The following ABCA3 variants were observed in gnomAD, a reference collection of about 807,000 sequenced individuals.
ABCA3 encodes the protein ATP binding cassette subfamily A member 3.
Under a neutral mutation model 172.8 loss-of-function variants are expected in ABCA3, and 88 were observed. That is an observed-to-expected ratio of 0.51 (90% CI 0.43 to 0.61). The LOEUF is 0.61. Among genes scored for constraint, ABCA3 ranks in the 20% least tolerant of loss-of-function variants. The probability of loss-of-function intolerance (pLI) is 0.00; values close to 1 mark genes in which losing one functional copy is unlikely to be tolerated. For missense variants in ABCA3, 2,164 were observed against 2,301.0 expected (o/e 0.94, Z 1.22); for synonymous variants, 1,066 against 983.8 (o/e 1.08, Z -1.56).
Position 2,288,086 on chromosome 16 carries a change from G to A in ABCA3, c.2944C>T (p.Leu982=), listed in dbSNP as rs2141697868. Residue 982 remains leucine, a synonymous_variant, in exon 21 of 33, where the codon CTG becomes TTG. Transcript: ENST00000301732. The part of the protein sequence containing the change: ...VPGTSQLGQQ[L]SEHLKDALQA... The stretch of plus-strand genomic sequence containing the variant: ...AGTGCGTCTTTCAGATGCTCTGACA[G>A]CTGCTGACCCAGCTGGGAGGTCCCG... 2 of 1,613,442 alleles carry A rather than the reference G, an allele frequency of 1.2e-6. No homozygotes were observed. The highest frequency in any genetic ancestry group is 1.7e-6 in the Non-Finnish European group (2 of 1,180,008).
intron 10 of ABCA3, among the ~76,000 whole-genome samples, chr16:2,312,624 G>T (rs1435222141): frequency 6.6e-6 from 1 of 151,724 alleles, no homozygotes. Context: ...CGCCTCCCGG[G>T]TTCAAGTGAT....
chr16:2,319,189 T>C (rs1189544781), intron 8 of ABCA3, among the ~76,000 whole-genome samples: 2 of 151,742 alleles, frequency 1.3e-5, no homozygotes, highest in Non-Finnish European at 2.9e-5. Context: ...GCCTTGGCAA[T>C]ATAGAAAGAC....
chr16:2,299,544 G>A lies in ABCA3; in HGVS notation c.1612-12C>T, dbSNP rs1472967431. The A allele has an allele frequency of 6.2e-7, 1 of 1,612,312 alleles. No homozygotes were observed. Among genetic ancestry groups the A allele is most frequent in the Admixed American group, 1.7e-5 (1 of 60,026 alleles). On this transcript the variant is annotated splice_polypyrimidine_tract_variant and intron_variant, in intron 13 of 32. Coordinates refer to ENST00000301732, the MANE Select transcript of ABCA3 (RefSeq NM_001089.3). ...CCCACCCTGAACACCTGCAGGAAAG[G>A]CAGAGGCTGCCCTGGGCTACCCACA...
In ABCA3 at chr16:2,299,894, G is replaced by A. The variant is rs2093686205; in HGVS notation, c.1611+111C>T. The A allele has an allele frequency of 1.9e-5, 28 of 1,504,864 alleles. 1 individual carries two copies. The highest frequency in any genetic ancestry group is 1.1e-4 in the East Asian group (5 of 44,304). 93.2% of individuals were successfully genotyped at this position (1,504,864 alleles called of 1,614,324 possible). Reference sequence around the variant, plus strand: ...CTGCCCTCCTTCAGGGCAGGAGGGAGCAAGGCTCAGAGGGAGCGCCTGACG... The same window carrying A: ...CTGCCCTCCTTCAGGGCAGGAGGGAACAAGGCTCAGAGGGAGCGCCTGACG... On this transcript the variant is annotated intron_variant, in intron 13 of 32. Transcript: ENST00000301732.
chr16:2,300,078 G>A lies in ABCA3; in HGVS notation c.1538C>T (p.Ala513Val). The stretch of plus-strand genomic sequence containing the variant: ...GGCTTCAAAGTACTCGTTTCTGAGT[G>A]CTTTCTCGGGGTCACTGTCTTCTTC... The part of the protein sequence containing the change: ...KEEEDSDPEK[A>V]LRNEYFEAEP... Residue 513 changes from alanine (A) to valine (V), a missense_variant, in exon 13 of 33, where the codon GCA (alanine) becomes GTA (valine). Ala to Val is a moderately conservative substitution (Grantham distance 64, BLOSUM62 0). Around this residue, in one of 3 missense-constraint regions of ABCA3, gnomAD observed 1,343 missense variants for 1,369.6 expected, o/e 0.98. Transcript: ENST00000301732. 1 of 1,613,666 alleles carries A rather than the reference G, an allele frequency of 6.2e-7. No individual in the cohort carries two copies. The highest frequency in any genetic ancestry group is 2.2e-5 in the East Asian group (1 of 44,868).
Position 2,319,761 on chromosome 16 carries a change from T to C in ABCA3, c.693A>G (p.Thr231=). ...CCGTCAGTCTCTGGAACAGCTGGCGTGTGGCGGCATCGGCATGGTACTCCA... is the reference window on the plus strand; with the variant it reads ...CCGTCAGTCTCTGGAACAGCTGGCGCGTGGCGGCATCGGCATGGTACTCCA... ...AIMEYHADAA[T]RQLFQRLTVT... The change falls in exon 8 of 33, where the codon ACA becomes ACG. Residue 231 remains threonine (T), a synonymous_variant. Coordinates refer to ENST00000301732, the MANE Select transcript of ABCA3 (RefSeq NM_001089.3). 1 of 1,613,952 alleles carries C rather than the reference T, an allele frequency of 6.2e-7. No homozygotes were observed. The highest frequency in any genetic ancestry group is 8.5e-7 in the Non-Finnish European group (1 of 1,179,994).
chr16:2,304,801 GA>G (rs954022092), intron 11 of ABCA3, among the ~76,000 whole-genome samples: 1 of 151,440 alleles, frequency 6.6e-6, no homozygotes, highest in African/African-American at 2.4e-5. Flanking sequence ...TCAGCCTCCT[GA>G]GTAGCTGGGA....
intron 11 of ABCA3, among the ~76,000 whole-genome samples, chr16:2,308,009 G>C (rs896393591): frequency 1.3e-4 from 20 of 152,212 alleles, no homozygotes; most frequent in African/African-American, 4.8e-4. Context: ...CAGGAGGATT[G>C]CTTGAGGTCG....
intron 20 of ABCA3, among the ~76,000 whole-genome samples, chr16:2,288,809 G>T (rs973896301): frequency 1.5e-4 from 23 of 152,142 alleles, no homozygotes; most frequent in Admixed American, 2.0e-4. Flanking sequence ...GCCTCCCAAT[G>T]TACTGGGATT....
In ABCA3 at chr16:2,298,376, C is replaced by G; in HGVS notation, c.1896+10G>C. ...GAAACACCCCTGCACACCCCTGGCC[C>G]CCAACTCACCTGGGCGTAGAAATAA... is the stretch of plus-strand genomic sequence containing the variant. On this transcript the variant is annotated intron_variant, in intron 15 of 32. Transcript: ENST00000301732. 1 of 1,614,040 alleles carries G rather than the reference C, an allele frequency of 6.2e-7. No homozygotes were observed. The highest frequency in any genetic ancestry group is 8.5e-7 in the Non-Finnish European group (1 of 1,179,998).
intron 7 of ABCA3, among the ~76,000 whole-genome samples, chr16:2,322,888 T>A (rs1181005957): frequency 6.6e-6 from 1 of 151,728 alleles, no homozygotes; most frequent in Non-Finnish European, 1.5e-5. Flanking sequence ...TGGGAGAAAA[T>A]TTTTGCAATC....
intron 10 of ABCA3, among the ~76,000 whole-genome samples, chr16:2,310,515 C>T (rs897847121): frequency 2.6e-5 from 4 of 150,944 alleles, no homozygotes; most frequent in Non-Finnish European, 5.9e-5. Context: ...ACTTTTTTTT[C>T]TTTCTTTTTT....
chr16:2,278,992 G>A lies in ABCA3; in HGVS notation c.4498C>T (p.Arg1500Trp), dbSNP rs969485084. ...HIGACVENTL[R>W]GLLLEPHANK... ...GCATGTGGCTCCAGCAGCAGGCCCC[G>A]CAGAGTGTTCTCCACGCAGGCCCCG... The change falls in exon 29 of 33, where the codon CGG becomes TGG. Residue 1500 changes from arginine (R) to tryptophan (W), a missense_variant. By Grantham distance (101) the Arg-to-Trp change is moderately radical. Around this residue, in one of 3 missense-constraint regions of ABCA3, gnomAD observed 795 missense variants for 881.9 expected, o/e 0.90. Coordinates refer to ENST00000301732, the MANE Select transcript of ABCA3 (RefSeq NM_001089.3). The surrounding 1 kb of genome is among the most constrained non-coding windows in gnomAD (Gnocchi z 4.4). 1.9e-6 allele frequency: 3 copies of A among 1,613,398 alleles called. No homozygotes were observed. Among genetic ancestry groups the A allele is most frequent in the East Asian group, 2.2e-5 (1 of 44,896 alleles).
chr16:2,327,462 C>T (rs1224082815), intron 3 of ABCA3, among the ~76,000 whole-genome samples: 2 of 152,180 alleles, frequency 1.3e-5, no homozygotes, highest in Non-Finnish European at 2.9e-5. Context: ...CAACACTGAA[C>T]CCATAAAAGA....
At chr16:2,331,348 G>A (rs1469057370) in intron 1 of ABCA3, among the ~76,000 whole-genome samples, 1 of 152,056 alleles carries the variant, frequency 6.6e-6, no homozygotes, top group Non-Finnish European at 1.5e-5. Context: ...ACAGGCACAT[G>A]CCACCACGCC....
At chr16:2,312,622 G>A (rs1174313160) in intron 10 of ABCA3, among the ~76,000 whole-genome samples, 6 of 150,676 alleles carry the variant, frequency 4.0e-5, no homozygotes, top group Non-Finnish European at 5.9e-5. Flanking sequence ...TCCGCCTCCC[G>A]GGTTCAAGTG....
Position 2,295,683 on chromosome 16 carries a change from G to A in ABCA3, c.2321C>T (p.Ser774Phe), listed in dbSNP as rs566633024. Residue 774 changes from serine to phenylalanine, a missense_variant, in exon 18 of 33, where the codon TCC becomes TTC. Physicochemically the swap from Ser to Phe is radical, Grantham distance 155 (BLOSUM62 -2). Transcript: ENST00000301732. ...KEPHCNPEDISQLVHHHVPNA... is the reference protein window; with the variant it reads ...KEPHCNPEDIFQLVHHHVPNA... Reference sequence around the variant, plus strand: ...GGGCACGTGGTGGTGGACCAGCTGGGAGATGTCTTCCGGGTTGCAGTGCGG... The same window carrying A: ...GGGCACGTGGTGGTGGACCAGCTGGAAGATGTCTTCCGGGTTGCAGTGCGG... 217 of 1,614,086 alleles carry A rather than the reference G, an allele frequency of 1.3e-4. 3 individuals are homozygous for A. In the South Asian group the frequency reaches 2.3e-3, roughly 17 times the overall value.
chr16:2,278,514 C>T lies in ABCA3; in HGVS notation c.4548-56G>A. ...TAAGGCTGAGAGTTAGCATTGGCTC[C>T]CATGTCCCAGTGGAGGCCCGTGTCC... On this transcript the variant is annotated intron_variant, in intron 29 of 32. Transcript: ENST00000301732. This position sits in a 1 kb window ranked among gnomAD's most constrained non-coding sequence, Gnocchi z 4.4. The T allele has an allele frequency of 1.9e-6, 3 of 1,596,394 alleles. No homozygotes were observed. The highest frequency in any genetic ancestry group is 2.6e-6 in the Non-Finnish European group (3 of 1,175,202).
chr16:2,278,513 C>T lies in ABCA3; in HGVS notation c.4548-55G>A. ...ATAAGGCTGAGAGTTAGCATTGGCTCCCATGTCCCAGTGGAGGCCCGTGTC... is the reference window on the plus strand; with the variant it reads ...ATAAGGCTGAGAGTTAGCATTGGCTTCCATGTCCCAGTGGAGGCCCGTGTC... On this transcript the variant is annotated intron_variant, in intron 29 of 32. Coordinates refer to ENST00000301732, the MANE Select transcript of ABCA3 (RefSeq NM_001089.3). This position sits in a 1 kb window ranked among gnomAD's most constrained non-coding sequence, Gnocchi z 4.4. The T allele has an allele frequency of 1.9e-6, 3 of 1,595,434 alleles. No individual in the cohort carries two copies. The highest frequency in any genetic ancestry group is 2.6e-6 in the Non-Finnish European group (3 of 1,174,370).
Sources: gnomAD v4.1 joint callset for allele counts (sites outside exome capture counted in the v4.1 genomes callset) on GRCh38, gnomAD v4.1.1 for gene constraint, gnomAD v4.1.1 regional missense constraint, Gnocchi (gnomAD v3.1) non-coding constraint, MANE v1.5 for transcripts, NCBI Gene and HGNC (gene_info 2026-07-23, HGNC 2026-07-21) for gene names.